The following ETV6 variants were observed in gnomAD, a reference collection of about 807,000 sequenced individuals.
ETV6 encodes ETS variant transcription factor 6.
In ETV6, 16 loss-of-function variants were observed where a neutral mutation model predicts 51.1. The observed-to-expected ratio is 0.31, with a 90% CI of 0.21 to 0.48. ETV6 has a LOEUF of 0.48. Among genes scored for constraint, ETV6 ranks in the 20% least tolerant of loss-of-function variants. The probability of loss-of-function intolerance (pLI) is 0.99; values close to 1 mark genes in which losing one functional copy is unlikely to be tolerated. For synonymous variants in ETV6, 240 were observed against 224.1 expected (o/e 1.07, Z -0.64); for missense variants, 458 against 594.8 (o/e 0.77, Z 2.39).
At chr12:11,810,702 G>A (rs1317648457) in intron 2 of ETV6, among the ~76,000 whole-genome samples, 8 of 152,164 alleles carry the variant, frequency 5.3e-5, no homozygotes, top group Admixed American at 1.3e-4. Flanking sequence ...CTGGAAAGGT[G>A]GATTGGGTCC....
At chr12:11,854,773 TGGAAGAA>T (rs1228049846) in intron 4 of ETV6, among the ~76,000 whole-genome samples, 1 of 151,834 alleles carries the variant, frequency 6.6e-6, no homozygotes, top group Non-Finnish European at 1.5e-5. Flanking sequence ...TAATAAAAGT[TGGAAGAA>T]GGAAAGAAAA....
At chr12:11,660,571 C>G (rs1864082569) in intron 1 of ETV6, among the ~76,000 whole-genome samples, 2 of 127,230 alleles carry the variant, frequency 1.6e-5, no homozygotes, top group Non-Finnish European at 3.1e-5. Context: ...TACACTCCAG[C>G]CTGGGCGACA....
At chr12:11,881,020 C>A (rs1280416742) in intron 5 of ETV6, among the ~76,000 whole-genome samples, 1 of 152,142 alleles carries the variant, frequency 6.6e-6, no homozygotes, top group African/African-American at 2.4e-5. Context: ...TCACTGCAGC[C>A]CCAAACCCCT....
chr12:11,853,776 G>A (rs748912879), intron 4 of ETV6, among the ~76,000 whole-genome samples: 7 of 152,188 alleles, frequency 4.6e-5, no homozygotes, highest in Non-Finnish European at 7.3e-5. Context: ...GCACAGAAGC[G>A]TAACCATATA....
chr12:11,868,863 CT>C (rs1236945862), intron 4 of ETV6, among the ~76,000 whole-genome samples: 5 of 152,060 alleles, frequency 3.3e-5, no homozygotes, highest in Non-Finnish European at 7.3e-5. Flanking sequence ...TTCCTTGTGC[CT>C]ACAGGCCACA....
At chr12:11,776,452 C>T (rs1346537873) in intron 2 of ETV6, among the ~76,000 whole-genome samples, 3 of 151,492 alleles carry the variant, frequency 2.0e-5, no homozygotes, top group Non-Finnish European at 2.9e-5. Context: ...GCTATGTTTC[C>T]CAGGCTGGTC....
intron 2 of ETV6, among the ~76,000 whole-genome samples, chr12:11,795,316 G>T (rs956070795): frequency 1.3e-5 from 2 of 152,212 alleles, no homozygotes; most frequent in African/African-American, 4.8e-5. Flanking sequence ...TCCGCTGGTG[G>T]CCGGAGTGCC....
At chr12:11,888,497 G>C (rs192893072) in intron 7 of ETV6, among the ~76,000 whole-genome samples, 1 of 148,622 alleles carries the variant, frequency 6.7e-6, no homozygotes, top group African/African-American at 2.5e-5. Context: ...CTGAATTTAA[G>C]CAATTCTCAT....
intron 2 of ETV6, among the ~76,000 whole-genome samples, chr12:11,764,624 G>A (rs904734773): frequency 1.3e-5 from 2 of 152,186 alleles, no homozygotes; most frequent in African/African-American, 2.4e-5. Context: ...GATGTATAAA[G>A]GGCATGGTAA....
chr12:11,703,345 CAAT>C (rs1252389577), intron 1 of ETV6, among the ~76,000 whole-genome samples: 1 of 151,560 alleles, frequency 6.6e-6, no homozygotes, highest in Non-Finnish European at 1.5e-5. Flanking sequence ...TCCTTTACAA[CAAT>C]GTGTATAAAT....
intron 2 of ETV6, among the ~76,000 whole-genome samples, chr12:11,800,163 A>T (rs923949883): frequency 2.0e-5 from 3 of 152,168 alleles, no homozygotes; most frequent in African/African-American, 7.2e-5. Flanking sequence ...AAGGACTGAA[A>T]AATATCCCAG....
rs544941808 is a variant in ETV6 at position 11,792,183 on chromosome 12, T to C, written c.163+39604T>C. 2.0e-5 allele frequency among the ~76,000 whole-genome samples: 3 copies of C among 152,326 alleles called. No individual in the cohort carries two copies. The South Asian group carries it at 6.2e-4, about 32-fold the overall frequency. On this transcript the variant is annotated intron_variant, in intron 2 of 7. Transcript: ENST00000396373. ...TTCTGTACAGAACACTTAGGCAGTA[T>C]GTTGCCCCCTTTCTTTATGATGTTT...
chr12:11,868,215 T>C (rs1434888863), intron 4 of ETV6, among the ~76,000 whole-genome samples: 1 of 152,208 alleles, frequency 6.6e-6, no homozygotes, highest in Non-Finnish European at 1.5e-5. Context: ...CTTTGTGTCA[T>C]AGTTTCTATA....
intron 1 of ETV6, among the ~76,000 whole-genome samples, chr12:11,736,425 A>G (rs928932979): frequency 2.6e-5 from 4 of 152,204 alleles, no homozygotes; most frequent in Non-Finnish European, 4.4e-5. Context: ...GATAGGTGAC[A>G]TTTGGTGTCA....
chr12:11,776,622 G>T (rs575280817), intron 2 of ETV6, among the ~76,000 whole-genome samples: 1 of 152,178 alleles, frequency 6.6e-6, no homozygotes, highest in Admixed American at 6.5e-5. Flanking sequence ...TGACACACCT[G>T]GTCACTCCAA....
chr12:11,862,146 C>G (rs1946726658), intron 4 of ETV6, among the ~76,000 whole-genome samples: 1 of 152,122 alleles, frequency 6.6e-6, no homozygotes, highest in Non-Finnish European at 1.5e-5. Context: ...TTGTTTAGCC[C>G]CTTTCATCAA....
chr12:11,814,841 C>T (rs1046301926), intron 2 of ETV6, among the ~76,000 whole-genome samples: 2 of 152,074 alleles, frequency 1.3e-5, no homozygotes, highest in African/African-American at 4.8e-5. Flanking sequence ...AGCAGAATGC[C>T]CCTCTTTTCG....
chr12:11,702,038 G>A (rs145317305), intron 1 of ETV6, among the ~76,000 whole-genome samples: 4 of 152,298 alleles, frequency 2.6e-5, no homozygotes, highest in Non-Finnish European at 5.9e-5. Flanking sequence ...AAGGATTGGG[G>A]TACAGGTAAC....
chr12:11,702,097 CA>C (rs918047865), intron 1 of ETV6, among the ~76,000 whole-genome samples: 3 of 152,004 alleles, frequency 2.0e-5, no homozygotes, highest in African/African-American at 2.4e-5. Context: ...TGTGGGTTGA[CA>C]GGGGGGTGTG....
Sources: gnomAD v4.1 joint callset for allele counts (sites outside exome capture counted in the v4.1 genomes callset) on GRCh38, gnomAD v4.1.1 for gene constraint, MANE v1.5 for transcripts, NCBI Gene and HGNC (gene_info 2026-07-23, HGNC 2026-07-21) for gene names.